Variants in UBE2N observed in about 807,000 individuals in gnomAD.
The protein encoded by UBE2N is ubiquitin conjugating enzyme E2 N, also known as ubiquitin-conjugating enzyme E2 N.
For missense variants in UBE2N, 60 were observed against 192.1 expected, an observed-to-expected ratio of 0.31 and a Z score of 4.07; for synonymous variants, 70 against 69.2, an observed-to-expected ratio of 1.01 and a Z score of -0.06.
chr12:93,421,207 T>TGGG (rs1188470851), intron 1 of UBE2N, among the ~76,000 whole-genome samples: 1 of 107,172 alleles, frequency 9.3e-6, no homozygotes, highest in African/African-American at 4.0e-5. Context: ...CTTTTTTTTT[T>TGGG]GGGGGGGCTG....
intron 1 of UBE2N, among the ~76,000 whole-genome samples, chr12:93,419,686 A>G (rs1052803492): frequency 2.6e-5 from 4 of 152,218 alleles, no homozygotes; most frequent in Non-Finnish European, 5.9e-5. Context: ...GATGCTCTTA[A>G]AAGTTACTGT....
At chr12:93,433,155 G>A (rs542976137) in intron 1 of UBE2N, among the ~76,000 whole-genome samples, 25 of 152,106 alleles carry the variant, frequency 1.6e-4, no homozygotes, top group East Asian at 7.7e-4. Flanking sequence ...GGATGGTCTC[G>A]ATCTCCTGAC....
At chr12:93,418,337 C>T (rs544668725) in intron 1 of UBE2N, among the ~76,000 whole-genome samples, 2 of 152,210 alleles carry the variant, frequency 1.3e-5, no homozygotes, top group South Asian at 2.1e-4. Flanking sequence ...GCACCCCAGC[C>T]TGGGCGATAG....
At chr12:93,414,923 TG>T (rs1169980187) in intron 1 of UBE2N, among the ~76,000 whole-genome samples, 1 of 152,236 alleles carries the variant, frequency 6.6e-6, no homozygotes, top group Non-Finnish European at 1.5e-5. Context: ...GAACACTGCC[TG>T]GCACAATAGA....
chr12:93,423,439 T>C (rs1353577658), intron 1 of UBE2N, among the ~76,000 whole-genome samples: 3 of 152,172 alleles, frequency 2.0e-5, no homozygotes, highest in Non-Finnish European at 4.4e-5. Context: ...TGGGATTAAA[T>C]GAAGTCAAAA....
rs140103730 is a variant in UBE2N, at chr12:93,410,757, T to C, written c.395A>G (p.Asn132Ser). The C allele has an allele frequency of 8.1e-6, 13 of 1,614,252 alleles. No homozygotes were observed. Among genetic ancestry groups the C allele is most frequent in the Non-Finnish European group, 1.1e-5 (13 of 1,180,038 alleles). ...ACCTGTTTCTATGGCTTGGGCTTCGTTGGTCTTCCACTGCTCCGCTACATC... is the reference window on the plus strand; with the variant it reads ...ACCTGTTTCTATGGCTTGGGCTTCGCTGGTCTTCCACTGCTCCGCTACATC... The part of the protein sequence containing the change: ...ANDVAEQWKT[N>S]EAQAIETARA... Residue 132 changes from asparagine (N) to serine (S), a missense_variant, in exon 3 of 4, where the codon AAC (asparagine) becomes AGC (serine). Transcript: ENST00000318066.
At chr12:93,441,463 G>A (rs1220600155) in intron 1 of UBE2N, among the ~76,000 whole-genome samples, 1 of 152,154 alleles carries the variant, frequency 6.6e-6, no homozygotes, top group East Asian at 1.9e-4. Context: ...ATCCCCACCA[G>A]GCGCCCGAGC....
rs187564458 is a variant in UBE2N at position 93,408,863 on chromosome 12, T to G, written c.*1176A>C. 1 of 152,732 alleles carries G rather than the reference T, an allele frequency of 6.5e-6. No homozygotes were observed. The highest frequency in any genetic ancestry group is 2.4e-5 in the African/African-American group (1 of 41,562). 9.5% of individuals were successfully genotyped at this position (152,732 alleles called of 1,614,324 possible). ...CACAAATGCCTCAGCAAATCCCAAA[T>G]GATCAGATCAGTGTTTCTTAACACA... On this transcript the variant is annotated 3_prime_UTR_variant, in exon 4 of 4. Transcript: ENST00000318066.
chr12:93,419,197 C>G (rs558338164), intron 1 of UBE2N, among the ~76,000 whole-genome samples: 2 of 152,062 alleles, frequency 1.3e-5, no homozygotes, highest in East Asian at 3.9e-4. Context: ...GTCAGGAGTT[C>G]GAGACCAACA....
rs573373302 is a variant in UBE2N at position 93,424,852 on chromosome 12, G to A, written c.31-13553C>T. 7.2e-5 allele frequency among the ~76,000 whole-genome samples: 11 copies of A among 152,148 alleles called. No individual in the cohort carries two copies. In the South Asian group the frequency reaches 2.1e-3, roughly 29 times the overall value. On this transcript the variant is annotated intron_variant, in intron 1 of 3. Transcript: ENST00000318066. ...ACATCCCATTTTGCTATCCACTGTC[G>A]GTAAATGAGCATTCATTGTGCTTTC...
chr12:93,416,154 A>G (rs1878200650), intron 1 of UBE2N, among the ~76,000 whole-genome samples: 1 of 152,208 alleles, frequency 6.6e-6, no homozygotes, highest in Admixed American at 6.5e-5. Flanking sequence ...GGTTTCCCTA[A>G]CAAACCCACA....
chr12:93,437,298 T>C (rs923413595), intron 1 of UBE2N, among the ~76,000 whole-genome samples: 10 of 151,332 alleles, frequency 6.6e-5, no homozygotes, highest in African/African-American at 2.2e-4. Context: ...TAGTGTACTA[T>C]GATCACGCCT....
Position 93,409,107 on chromosome 12 carries a change from A to G in UBE2N, c.*932T>C, listed in dbSNP as rs922056584. 1 of 152,622 alleles carries G rather than the reference A, an allele frequency of 6.6e-6. No individual in the cohort carries two copies. Among genetic ancestry groups the G allele is most frequent in the Non-Finnish European group, 1.5e-5 (1 of 68,034 alleles). The allele number at this position is 152,622 out of a possible 1,614,324, so 9.5% of individuals were successfully genotyped here. On this transcript the variant is annotated 3_prime_UTR_variant, in exon 4 of 4. Transcript: ENST00000318066. ...AAACACATTTATTTCAAATTCCTAG[A>G]AGGTTAAAAAAAGGTCAGATACTGA...
intron 1 of UBE2N, 79 bp downstream of exon 1, chr12:93,441,776 G>A (rs1741435073): frequency 4.5e-6 from 7 of 1,549,488 alleles, no homozygotes; most frequent in Non-Finnish European, 6.1e-6. Context: ...CGGGCCGAAG[G>A]AGGCGAGAGG....
At chr12:93,441,004 T>TA (rs1879084604) in intron 1 of UBE2N, 1 of 152,154 alleles carries the variant, frequency 6.6e-6, no homozygotes, top group Admixed American at 6.5e-5. Context: ...GCCTGGGCAC[T>TA]ATAGCGAGGC....
At chr12:93,441,623 C>T (rs1879112860) in intron 1 of UBE2N, among the ~76,000 whole-genome samples, 1 of 152,044 alleles carries the variant, frequency 6.6e-6, no homozygotes, top group Admixed American at 6.5e-5. Flanking sequence ...GCCGGGCAGC[C>T]GCCTGGAAGC....
chr12:93,440,164 A>T (rs1879058425), intron 1 of UBE2N, among the ~76,000 whole-genome samples: 1 of 152,230 alleles, frequency 6.6e-6, no homozygotes, highest in Admixed American at 6.5e-5. Context: ...CTTAGTCAAT[A>T]ACCTAAGTAA....
chr12:93,429,429 G>A (rs1207754936), intron 1 of UBE2N: 4 of 301,044 alleles, frequency 1.3e-5, no homozygotes, highest in Non-Finnish European at 2.6e-5. Flanking sequence ...CGCTGTATGA[G>A]TTTCAGTCAA....
intron 1 of UBE2N, among the ~76,000 whole-genome samples, chr12:93,426,362 C>A (rs1878582718): frequency 7.5e-6 from 1 of 133,812 alleles, no homozygotes. Context: ...CAACACGAGC[C>A]AGCAATGTTA....
Sources: allele counts gnomAD v4.1 joint callset (sites outside exome capture counted in the v4.1 genomes callset), GRCh38; gene constraint gnomAD v4.1.1; transcripts MANE v1.5; gene names NCBI Gene and HGNC (gene_info 2026-07-23, HGNC 2026-07-21).